ST8SIA4: variants seen among roughly 807,000 people sequenced by gnomAD.
ST8SIA4 encodes ST8 alpha-N-acetyl-neuraminide alpha-2,8-sialyltransferase 4.
Under a neutral mutation model 33.9 loss-of-function variants are expected in ST8SIA4, and 15 were observed. That is an observed-to-expected ratio of 0.44 (90% CI 0.30 to 0.68). The LOEUF (loss-of-function observed/expected upper bound fraction) is 0.68, where lower values mean the gene tolerates loss of function less well. ST8SIA4 is among the 30% of genes least tolerant of loss of function. The pLI is 0.10. For missense variants in ST8SIA4, 321 were observed against 428.0 expected (o/e 0.75, Z 2.21); for synonymous variants, 171 against 151.2 (o/e 1.13, Z -0.96).
At chr5:100,871,979 G>C (rs1189042525) in intron 3 of ST8SIA4, among the ~76,000 whole-genome samples, 1 of 151,806 alleles carries the variant, frequency 6.6e-6, no homozygotes, top group Non-Finnish European at 1.5e-5. Flanking sequence ...TTCTTGTAAA[G>C]GTTTAAATTC....
chr5:100,879,647 A>G (rs963134976), intron 3 of ST8SIA4, among the ~76,000 whole-genome samples: 1 of 152,108 alleles, frequency 6.6e-6, no homozygotes, highest in Admixed American at 6.6e-5. Flanking sequence ...CTTCATGCAA[A>G]TTGTTTCATA....
rs1750787445 is a variant in ST8SIA4 at position 100,810,228 on chromosome 5, T to C, written c.*1619A>G. 1 of 152,214 alleles carries C rather than the reference T, an allele frequency of 6.6e-6. No homozygotes were observed. The highest frequency in any genetic ancestry group is 1.5e-5 in the Non-Finnish European group (1 of 68,016). 9.4% of individuals were successfully genotyped at this position (152,214 alleles called of 1,614,324 possible). On this transcript the variant is annotated 3_prime_UTR_variant, in exon 5 of 5. Coordinates refer to ENST00000231461, the MANE Select transcript of ST8SIA4 (RefSeq NM_005668.6). ...TTTAATTACTTTATTAATAATTTCA[T>C]GTGTTTCTTGAAGAACATATGTGAT... is the stretch of plus-strand genomic sequence containing the variant.
chr5:100,887,183 C>G (rs1379137821), intron 2 of ST8SIA4, among the ~76,000 whole-genome samples: 1 of 151,902 alleles, frequency 6.6e-6, no homozygotes, highest in Non-Finnish European at 1.5e-5. Context: ...TCTCTAAGAT[C>G]AAGAGTCCTG....
At chr5:100,902,035 C>T (rs1365183267) in intron 1 of ST8SIA4, among the ~76,000 whole-genome samples, 1 of 152,280 alleles carries the variant, frequency 6.6e-6, no homozygotes, top group East Asian at 1.9e-4. Flanking sequence ...CAATCAGGTT[C>T]ACATCCTCAG....
At chr5:100,846,622 A>G (rs964798646) in intron 4 of ST8SIA4, among the ~76,000 whole-genome samples, 1 of 152,018 alleles carries the variant, frequency 6.6e-6, no homozygotes, top group Non-Finnish European at 1.5e-5. Context: ...CTTTAAATTG[A>G]GACTTGAAGG....
intron 3 of ST8SIA4, among the ~76,000 whole-genome samples, chr5:100,856,749 G>C (rs1751822265): frequency 6.6e-6 from 1 of 152,274 alleles, no homozygotes; most frequent in Non-Finnish European, 1.5e-5. Flanking sequence ...CCATTCAGTA[G>C]TCAATTTAAA....
chr5:100,878,397 G>A (rs1474703271), intron 3 of ST8SIA4, among the ~76,000 whole-genome samples: 1 of 151,896 alleles, frequency 6.6e-6, no homozygotes, highest in Non-Finnish European at 1.5e-5. Context: ...GGCTGGTCTC[G>A]AACTCCCGAC....
chr5:100,808,616 T>G lies in ST8SIA4; in HGVS notation c.*3231A>C, dbSNP rs72776700. 36,675 of 152,638 alleles carry G rather than the reference T, an allele frequency of 0.24. 5,534 individuals are homozygous for G. Among genetic ancestry groups the G allele is most frequent in the Non-Finnish European group, 0.33 (22,368 of 67,976 alleles). The allele number at this position is 152,638 out of a possible 1,614,324, so 9.5% of individuals were successfully genotyped here. On this transcript the variant is annotated 3_prime_UTR_variant, in exon 5 of 5. Coordinates refer to ENST00000231461, the MANE Select transcript of ST8SIA4 (RefSeq NM_005668.6). ...TTAAATAGTAAAAAATAAATTAAAA[T>G]ATTAAAATTGTGAATATATATTTTC... is the stretch of plus-strand genomic sequence containing the variant.
chr5:100,817,703 AG>A (rs1750958803), intron 4 of ST8SIA4, among the ~76,000 whole-genome samples: 1 of 152,232 alleles, frequency 6.6e-6, no homozygotes, highest in South Asian at 2.1e-4. Context: ...CAGATAAAGC[AG>A]GGATGATAGT....
intron 4 of ST8SIA4, among the ~76,000 whole-genome samples, chr5:100,832,837 C>T (rs986090890): frequency 1.3e-5 from 2 of 152,130 alleles, no homozygotes; most frequent in African/African-American, 2.4e-5. Flanking sequence ...TCCTCTTTCC[C>T]TCTATGTGTC....
intron 3 of ST8SIA4, among the ~76,000 whole-genome samples, chr5:100,875,173 G>A (rs1276319250): frequency 2.6e-5 from 4 of 152,246 alleles, no homozygotes; most frequent in South Asian, 4.1e-4. Context: ...GGTAGGTAGA[G>A]ACCACCAGGG....
chr5:100,875,628 G>T (rs1302056394), intron 3 of ST8SIA4, among the ~76,000 whole-genome samples: 1 of 152,130 alleles, frequency 6.6e-6, no homozygotes, highest in East Asian at 1.9e-4. Context: ...CTTTAAGAAT[G>T]AATGTAGATG....
At chr5:100,888,256 C>T (rs1018046424) in intron 2 of ST8SIA4, among the ~76,000 whole-genome samples, 5 of 150,966 alleles carry the variant, frequency 3.3e-5, no homozygotes, top group African/African-American at 7.3e-5. Flanking sequence ...TGGAGAAACA[C>T]GAATCAACAA....
intron 4 of ST8SIA4, among the ~76,000 whole-genome samples, chr5:100,844,095 C>T (rs892407460): frequency 5.9e-5 from 9 of 151,758 alleles, no homozygotes; most frequent in Non-Finnish European, 1.2e-4. Flanking sequence ...TACTAGAGGG[C>T]CAGAGTTCCT....
rs531767725 is a variant in ST8SIA4, at chr5:100,824,621, T to C, written c.798-12492A>G. On this transcript the variant is annotated intron_variant, in intron 4 of 4. Coordinates refer to ENST00000231461, the MANE Select transcript of ST8SIA4 (RefSeq NM_005668.6). The stretch of plus-strand genomic sequence containing the variant: ...ACTCAGGAACTAAGGAACTCTGTTA[T>C]ATATCTCTAAGGAATTTTAAATTAT... 1.9e-3 allele frequency among the ~76,000 whole-genome samples: 282 copies of C among 152,214 alleles called. 1 individual carries two copies. The highest frequency in any genetic ancestry group is 6.0e-3 in the African/African-American group (249 of 41,536).
At chr5:100,817,265 C>A (rs990876945) in intron 4 of ST8SIA4, among the ~76,000 whole-genome samples, 16 of 151,858 alleles carry the variant, frequency 1.1e-4, no homozygotes, top group African/African-American at 3.6e-4. Flanking sequence ...CCGTGCCCAG[C>A]CAGATAATTG....
chr5:100,900,474 G>A (rs1191898136), intron 1 of ST8SIA4: 4 of 456,290 alleles, frequency 8.8e-6, no homozygotes, highest in South Asian at 3.1e-5. Context: ...CTGTTTGGGA[G>A]TTGAAACGAA....
intron 1 of ST8SIA4, 36 bp from the exon 2 acceptor site, chr5:100,895,821 A>C (rs370644625): frequency 3.8e-5 from 61 of 1,609,080 alleles, no homozygotes; most frequent in Non-Finnish European, 4.8e-5. Context: ...TTGTGAAAGT[A>C]AGAAACATTT....
chr5:100,890,612 A>G (rs1301088380), intron 2 of ST8SIA4: 4 of 151,858 alleles, frequency 2.6e-5, no homozygotes, highest in Non-Finnish European at 5.9e-5. Flanking sequence ...GTTATTACCC[A>G]ATATTCAAAG....
Sources: gnomAD v4.1 joint callset for allele counts (sites outside exome capture counted in the v4.1 genomes callset) on GRCh38, gnomAD v4.1.1 for gene constraint, MANE v1.5 for transcripts, NCBI Gene and HGNC (gene_info 2026-07-23, HGNC 2026-07-21) for gene names.